MAD1L1: variants seen among roughly 807,000 people sequenced by gnomAD.
MAD1L1 encodes mitotic arrest deficient 1 like 1, also known as mitotic spindle assembly checkpoint protein MAD1.
Under a neutral mutation model 96.9 loss-of-function variants are expected in MAD1L1, and 95 were observed. The observed-to-expected ratio is 0.98, with a 90% confidence interval of 0.83 to 1.16. The LOEUF (loss-of-function observed/expected upper bound fraction) is 1.16. Ranked by LOEUF, MAD1L1 falls within the 50% of genes most tolerant of loss-of-function variation. The pLI, the probability that MAD1L1 is intolerant of heterozygous loss-of-function variation, is 0.00. For missense variants in MAD1L1, 1,007 were observed against 954.4 expected, an observed-to-expected ratio of 1.06 and a Z score of -0.73; for synonymous variants, 473 against 396.6, an observed-to-expected ratio of 1.19 and a Z score of -2.29.
chr7:2,130,000 G>C (rs1788434253), intron 11 of MAD1L1, among the ~76,000 whole-genome samples: 1 of 152,204 alleles, frequency 6.6e-6, no homozygotes, highest in South Asian at 2.1e-4. Flanking sequence ...CCCAACAGAG[G>C]GGCAGGGATG....
At chr7:2,213,859 G>A (rs1793116321) in intron 9 of MAD1L1, among the ~76,000 whole-genome samples, 1 of 152,232 alleles carries the variant, frequency 6.6e-6, no homozygotes, top group Non-Finnish European at 1.5e-5. Flanking sequence ...GCATCCCAAA[G>A]AGGTGAGTCT....
chr7:2,205,511 C>T (rs1358529499), intron 10 of MAD1L1, among the ~76,000 whole-genome samples: 1 of 152,162 alleles, frequency 6.6e-6, no homozygotes, highest in Admixed American at 6.5e-5. Flanking sequence ...GTCCTGACAC[C>T]CCTATCATTG....
intron 12 of MAD1L1, among the ~76,000 whole-genome samples, chr7:2,054,544 T>C (rs1784311846): frequency 1.3e-5 from 2 of 152,228 alleles, no homozygotes; most frequent in South Asian, 4.1e-4. Flanking sequence ...GCAAATGGCT[T>C]TGTCCCATAA....
intron 10 of MAD1L1, among the ~76,000 whole-genome samples, chr7:2,196,869 C>T (rs769623037): frequency 6.6e-6 from 1 of 152,232 alleles, no homozygotes; most frequent in Non-Finnish European, 1.5e-5. Flanking sequence ...CAACTGACAA[C>T]AGGAAACACC....
chr7:2,009,916 C>T (rs1479730829), intron 13 of MAD1L1, among the ~76,000 whole-genome samples: 1 of 152,006 alleles, frequency 6.6e-6, no homozygotes, highest in Non-Finnish European at 1.5e-5. Flanking sequence ...CAGTTCTGTA[C>T]TGCACAGACG....
chr7:2,121,096 G>A (rs911741818), intron 11 of MAD1L1, among the ~76,000 whole-genome samples: 4 of 152,190 alleles, frequency 2.6e-5, no homozygotes, highest in African/African-American at 9.6e-5. Context: ...CACTCCCGGC[G>A]CAGGCTCCCA....
intron 17 of MAD1L1, among the ~76,000 whole-genome samples, chr7:1,934,488 A>G (rs1477860080): frequency 6.6e-6 from 1 of 151,788 alleles, no homozygotes; most frequent in Non-Finnish European, 1.5e-5. Flanking sequence ...AGCGAACCCT[A>G]GACAGGCAGA....
chr7:1,965,430 GT>G (rs1348776560), intron 15 of MAD1L1, among the ~76,000 whole-genome samples: 1 of 152,244 alleles, frequency 6.6e-6, no homozygotes, highest in Non-Finnish European at 1.5e-5. Context: ...CACCGCACTG[GT>G]GGGTAGGGAA....
Position 1,936,879 on chromosome 7 carries a change from T to C in MAD1L1, c.1615A>G (p.Arg539Gly). The change falls in exon 17 of 19, where the codon AGG (arginine) becomes GGG (glycine). Residue 539 changes from arginine to glycine, a missense_variant. Arg to Gly is a moderately radical substitution (Grantham distance 125, BLOSUM62 -2). Coordinates refer to ENST00000265854, the MANE Select transcript of MAD1L1 (RefSeq NM_001013836.2). ...RALQGDYDQSRTKVLHMSLNP... is the reference protein window; with the variant it reads ...RALQGDYDQSGTKVLHMSLNP... The stretch of plus-strand genomic sequence containing the variant: ...AGGCTCATGTGCAGCACTTTGGTCC[T>C]GCTCTGGTCATAGTCACCCTGCAGG... 1 of 1,600,496 alleles carries C rather than the reference T, an allele frequency of 6.2e-7. No homozygotes were observed. The highest frequency in any genetic ancestry group is 8.5e-7 in the Non-Finnish European group (1 of 1,172,796).
At chr7:2,158,292 T>C (rs1202705475) in intron 10 of MAD1L1, among the ~76,000 whole-genome samples, 4 of 152,184 alleles carry the variant, frequency 2.6e-5, no homozygotes, top group East Asian at 1.9e-4. Flanking sequence ...ATAGCAGATG[T>C]TGGGGCTCTA....
At position 2,225,021 on chromosome 7, in the gene MAD1L1, A is replaced by T. The variant is rs530477056; in HGVS notation, c.291+389T>A. Among the ~76,000 whole-genome samples, 403 of 152,340 alleles carry T rather than the reference A, an allele frequency of 2.6e-3. 1 individual carries two copies. Among genetic ancestry groups the T allele is most frequent in the Non-Finnish European group, 1.8e-3 (124 of 68,026 alleles). On this transcript the variant is annotated intron_variant, in intron 4 of 18. Coordinates refer to ENST00000265854, the MANE Select transcript of MAD1L1 (RefSeq NM_001013836.2). ...GGAAGAGGAAACCAGGAGACCCAGC[A>T]AAAGAATCTGTGCCAGCACCGCAGC...
intron 12 of MAD1L1, among the ~76,000 whole-genome samples, chr7:2,047,856 C>T (rs1254295418): frequency 5.3e-5 from 8 of 152,204 alleles, no homozygotes; most frequent in Admixed American, 4.6e-4. Flanking sequence ...CAATCACACA[C>T]GTGCACTCAC....
intron 17 of MAD1L1, among the ~76,000 whole-genome samples, chr7:1,925,110 T>G (rs1248410787): frequency 6.6e-6 from 1 of 152,066 alleles, no homozygotes; most frequent in Admixed American, 6.5e-5. Flanking sequence ...CATAAAAAAT[T>G]ACATTAACTA....
chr7:1,938,493 G>A (rs1427809072), intron 16 of MAD1L1, among the ~76,000 whole-genome samples: 1 of 152,194 alleles, frequency 6.6e-6, no homozygotes, highest in East Asian at 1.9e-4. Context: ...CCACAGAGCA[G>A]GAGGTGCTGT....
intron 18 of MAD1L1, 134 bp downstream of exon 18, chr7:1,898,066 T>C: frequency 1.0e-6 from 1 of 954,152 alleles, no homozygotes; most frequent in Non-Finnish European, 1.6e-6. Context: ...CCAGTGCACC[T>C]CCTTCCCGCC....
chr7:2,207,590 T>G (rs1334996851), intron 10 of MAD1L1, among the ~76,000 whole-genome samples: 1 of 152,174 alleles, frequency 6.6e-6, no homozygotes, highest in Non-Finnish European at 1.5e-5. Context: ...AGAGAGGGCA[T>G]GGAAGCTCCG....
At chr7:1,847,258 T>C (rs1364712805) in intron 18 of MAD1L1, 2 of 470,976 alleles carry the variant, frequency 4.2e-6, no homozygotes. Flanking sequence ...GAAGCACTGG[T>C]TTTCTTTCGG....
chr7:1,924,232 G>A (rs1788969622), intron 17 of MAD1L1, among the ~76,000 whole-genome samples: 1 of 152,190 alleles, frequency 6.6e-6, no homozygotes, highest in African/African-American at 2.4e-5. Context: ...ACTAAGCTTG[G>A]TGTAGAAAGC....
intron 11 of MAD1L1, among the ~76,000 whole-genome samples, chr7:2,113,751 CACACCCAGAGGGACATG>C (rs1787507092): frequency 6.6e-6 from 1 of 152,190 alleles, no homozygotes; most frequent in Non-Finnish European, 1.5e-5. Context: ...CCCGACATCA[CACACCCAGAGGGACATG>C]ACATCCCTTT....
Sources: allele counts gnomAD v4.1 joint callset (sites outside exome capture counted in the v4.1 genomes callset), GRCh38; gene constraint gnomAD v4.1.1; transcripts MANE v1.5; gene names NCBI Gene and HGNC (gene_info 2026-07-23, HGNC 2026-07-21).